Variants in UNC13C observed in about 807,000 individuals in gnomAD.
UNC13C encodes unc-13 homolog C.
Under a neutral mutation model 245.4 loss-of-function variants are expected in UNC13C, and 174 were observed. That is an observed-to-expected ratio of 0.71 (90% CI 0.63 to 0.80). The LOEUF (loss-of-function observed/expected upper bound fraction) is 0.80. Ranked by LOEUF, UNC13C falls within the 30% of genes least tolerant of loss-of-function variation. UNC13C has a pLI of 0.00. For missense variants in UNC13C, 2,829 were observed against 2,602.9 expected (o/e 1.09, Z -1.89); for synonymous variants, 992 against 895.1 (o/e 1.11, Z -1.93).
chr15:54,260,580 G>T (rs1015092767), intron 8 of UNC13C, among the ~76,000 whole-genome samples: 3 of 148,526 alleles, frequency 2.0e-5, no homozygotes, highest in Non-Finnish European at 4.5e-5. Flanking sequence ...ATATGTATAT[G>T]TATGTATATT....
intron 4 of UNC13C, among the ~76,000 whole-genome samples, chr15:54,186,647 AT>A (rs1286436825): frequency 6.6e-6 from 1 of 151,900 alleles, no homozygotes; most frequent in Non-Finnish European, 1.5e-5. Flanking sequence ...GAAATATTTA[AT>A]TATGAATTGT....
chr15:54,042,957 T>G (rs899409638), intron 2 of UNC13C, among the ~76,000 whole-genome samples: 6 of 152,258 alleles, frequency 3.9e-5, no homozygotes, highest in Admixed American at 3.9e-4. Context: ...TCTATCACAC[T>G]TCTTGTCCTT....
chr15:54,174,059 AT>A (rs1448434321), intron 4 of UNC13C, among the ~76,000 whole-genome samples: 2 of 152,050 alleles, frequency 1.3e-5, no homozygotes, highest in Non-Finnish European at 2.9e-5. Context: ...GTCATGATAT[AT>A]TTCCCTTTTT....
chr15:54,115,973 G>A (rs2030214337), intron 2 of UNC13C, among the ~76,000 whole-genome samples: 1 of 127,940 alleles, frequency 7.8e-6, no homozygotes, highest in Admixed American at 7.6e-5. Context: ...CACCTCATTG[G>A]GTTATTTTTA....
At chr15:54,020,005 C>A (rs1339859385) in intron 2 of UNC13C, among the ~76,000 whole-genome samples, 4 of 152,106 alleles carry the variant, frequency 2.6e-5, no homozygotes, top group African/African-American at 4.8e-5. Flanking sequence ...AACAACCACA[C>A]ACACAATTAA....
chr15:54,193,171 A>G (rs911799914), intron 4 of UNC13C, among the ~76,000 whole-genome samples: 8 of 152,148 alleles, frequency 5.3e-5, no homozygotes, highest in Non-Finnish European at 1.2e-4. Context: ...TATGTTGTAA[A>G]TGAGAAACAA....
chr15:54,313,148 A>C (rs974465273), intron 13 of UNC13C, among the ~76,000 whole-genome samples: 4 of 151,796 alleles, frequency 2.6e-5, no homozygotes, highest in African/African-American at 9.7e-5. Context: ...TAATGCTTTA[A>C]AAAAGTTAAA....
chr15:54,086,817 C>A (rs139926431), intron 2 of UNC13C, among the ~76,000 whole-genome samples: 29 of 142,564 alleles, frequency 2.0e-4, no homozygotes, highest in Non-Finnish European at 3.6e-4. Context: ...CTCACTGCAG[C>A]CTCCGCCCTC....
chr15:54,617,551 T>C (rs943539509), intron 30 of UNC13C, among the ~76,000 whole-genome samples: 1 of 152,088 alleles, frequency 6.6e-6, no homozygotes, highest in Admixed American at 6.6e-5. Context: ...CAAGATCTTA[T>C]ACCTGAAGCA....
chr15:54,389,980 C>T (rs1197697018), intron 17 of UNC13C, among the ~76,000 whole-genome samples: 1 of 152,124 alleles, frequency 6.6e-6, no homozygotes, highest in Non-Finnish European at 1.5e-5. Flanking sequence ...CCACCTACCT[C>T]AGCCTCCCAA....
At chr15:54,235,812 T>C (rs534603058) in intron 5 of UNC13C, among the ~76,000 whole-genome samples, 2 of 152,284 alleles carry the variant, frequency 1.3e-5, no homozygotes, top group Admixed American at 1.3e-4. Flanking sequence ...ATTGCGCCAC[T>C]GCACTCCAGC....
intron 19 of UNC13C, among the ~76,000 whole-genome samples, chr15:54,463,885 G>C (rs992156915): frequency 1.3e-5 from 2 of 152,150 alleles, no homozygotes; most frequent in African/African-American, 4.8e-5. Context: ...CCATGGGAGG[G>C]GATGGCTGAA....
At chr15:54,453,019 G>A (rs1393618628) in intron 19 of UNC13C, among the ~76,000 whole-genome samples, 1 of 152,188 alleles carries the variant, frequency 6.6e-6, no homozygotes, top group African/African-American at 2.4e-5. Context: ...CATTCTGGTG[G>A]TGGCTAGGTT....
At chr15:54,459,363 C>G (rs781761764) in intron 19 of UNC13C, among the ~76,000 whole-genome samples, 3 of 152,142 alleles carry the variant, frequency 2.0e-5, no homozygotes, top group Admixed American at 6.5e-5. Context: ...AACCTAATAA[C>G]TATGTCCCTA....
At chr15:54,471,199 C>T (rs1481377653) in intron 19 of UNC13C, among the ~76,000 whole-genome samples, 3 of 151,366 alleles carry the variant, frequency 2.0e-5, no homozygotes, top group African/African-American at 7.3e-5. Flanking sequence ...ATAGAATATT[C>T]TGAATATGTG....
intron 4 of UNC13C, among the ~76,000 whole-genome samples, chr15:54,189,867 G>C (rs960890997): frequency 2.0e-5 from 3 of 152,032 alleles, no homozygotes; most frequent in Non-Finnish European, 4.4e-5. Context: ...TTTTGGTAAA[G>C]ATTCTATTTT....
chr15:54,555,610 G>T (rs922107970), intron 29 of UNC13C, 98 bp downstream of exon 29: 3 of 863,602 alleles, frequency 3.5e-6, no homozygotes, highest in Non-Finnish European at 5.5e-6. Context: ...GTAGAGCTGC[G>T]CCATTCAAAG....
chr15:54,543,781 T>C lies in UNC13C; in HGVS notation c.5697-2941T>C, dbSNP rs185234926. On this transcript the variant is annotated intron_variant, in intron 26 of 32. Coordinates refer to ENST00000260323, the MANE Select transcript of UNC13C (RefSeq NM_001080534.3). ...ATCCCTGAATAGACCAATAACAAGT[T>C]CTGAAACTGAGGCAGTAATTAATAA... is the stretch of plus-strand genomic sequence containing the variant. 5.9e-3 allele frequency among the ~76,000 whole-genome samples: 902 copies of C among 151,980 alleles called. 10 individuals carry two copies. Among genetic ancestry groups the C allele is most frequent in the African/African-American group, 0.021 (858 of 41,454 alleles).
At chr15:54,002,241 G>A (rs1271519899) in intron 1 of UNC13C, among the ~76,000 whole-genome samples, 3 of 152,220 alleles carry the variant, frequency 2.0e-5, no homozygotes, top group East Asian at 1.9e-4. Flanking sequence ...AGCCAAGATT[G>A]CACCACTGCA....
Sources: gnomAD v4.1 joint callset for allele counts (sites outside exome capture counted in the v4.1 genomes callset) on GRCh38, gnomAD v4.1.1 for gene constraint, MANE v1.5 for transcripts, NCBI Gene and HGNC (gene_info 2026-07-23, HGNC 2026-07-21) for gene names.